The following CRLF1 variants were observed in gnomAD, a reference collection of about 807,000 sequenced individuals.
CRLF1 encodes the protein cytokine receptor-like factor 1.
CRLF1 carries 36 observed loss-of-function variants against 48.9 expected under a neutral mutation model. That is an observed-to-expected ratio of 0.74 (90% CI 0.56 to 0.97). The LOEUF (loss-of-function observed/expected upper bound fraction) is 0.97. CRLF1 is among the 50% of genes least tolerant of loss of function. CRLF1 has a pLI of 0.00. For missense variants in CRLF1, 534 were observed against 575.1 expected (o/e 0.93, Z 0.73); for synonymous variants, 256 against 253.4 (o/e 1.01, Z -0.10).
intron 8 of CRLF1, 42 bp downstream of exon 8, chr19:18,594,023 T>TCCCCTTGCTTGGGCCCC: frequency 6.7e-7 from 1 of 1,491,236 alleles, no homozygotes; most frequent in Non-Finnish European, 9.1e-7. Context: ...GAAGGGGCCC[T>TCCCCTTGCTTGGGCCCC]CCCCTTGCTC....
chr19:18,594,244 T>G lies in CRLF1; in HGVS notation c.1212+3A>C, dbSNP rs544957549. The G allele has an allele frequency of 4.4e-6, 7 of 1,605,684 alleles. No homozygotes were observed. The East Asian group carries it at 1.6e-4, about 36-fold the overall frequency. On this transcript the variant is annotated splice_donor_region_variant and intron_variant, in intron 7 of 8. Coordinates refer to ENST00000392386, the MANE Select transcript of CRLF1 (RefSeq NM_004750.5). ...CCCACGCCCGAGGGTCCCTCCTTCC[T>G]ACCTGGTTGCGGGTCTTGTGCGACT...
chr19:18,596,563 G>A (rs1037865811), intron 6 of CRLF1, 59 bp downstream of exon 6: 2 of 1,568,328 alleles, frequency 1.3e-6, no homozygotes, highest in Non-Finnish European at 8.7e-7. Flanking sequence ...CAAGGAAACA[G>A]AGGCTCTAGC....
chr19:18,599,916 T>TCATGCCATG, intron 1 of CRLF1, 70 bp from the exon 2 acceptor site: 2 of 1,407,364 alleles, frequency 1.4e-6, no homozygotes, highest in Non-Finnish European at 1.9e-6. Context: ...TGCCAGGACC[T>TCATGCCATG]CCAGGGTTCA....
At chr19:18,594,132 TGTC>T (rs1976096206) in intron 7 of CRLF1, 25 bp from the exon 8 acceptor site, 4 of 1,552,740 alleles carry the variant, frequency 2.6e-6, no homozygotes, top group South Asian at 1.2e-5. Context: ...AAGGCAGAGG[TGTC>T]GTGGGGGCTG....
chr19:18,604,296 G>C (rs1976260461), intron 1 of CRLF1, among the ~76,000 whole-genome samples: 1 of 152,198 alleles, frequency 6.6e-6, no homozygotes, highest in South Asian at 2.1e-4. Flanking sequence ...GTTGTAGGGG[G>C]AAGGCAAGGC....
intron 8 of CRLF1, 33 bp downstream of exon 8, chr19:18,594,032 T>TGGGCCA: frequency 4.3e-6 from 3 of 695,808 alleles, no homozygotes; most frequent in Non-Finnish European, 6.6e-6. Flanking sequence ...CTCCCCTTGC[T>TGGGCCA]CCCTCCCGCC....
At chr19:18,602,253 A>T (rs550467115) in intron 1 of CRLF1, among the ~76,000 whole-genome samples, 75 of 152,098 alleles carry the variant, frequency 4.9e-4, no homozygotes, top group Admixed American at 3.3e-3. Flanking sequence ...GCACAGGCCA[A>T]CCTCCCAATG....
chr19:18,598,993 C>T (rs1371207182), intron 2 of CRLF1, 92 bp from the exon 3 acceptor site: 4 of 1,573,230 alleles, frequency 2.5e-6, no homozygotes, highest in East Asian at 2.2e-5. Flanking sequence ...CAGGCCCCCA[C>T]CTTGGAGTGG....
Position 18,597,003 on chromosome 19 carries a change from G to T in CRLF1, c.744C>A (p.Gly248=). 6.2e-7 allele frequency: 1 copy of T among 1,613,546 alleles called. No individual in the cohort carries two copies. Among genetic ancestry groups the T allele is most frequent in the South Asian group, 1.1e-5 (1 of 91,074 alleles). ...PPDVHVSRVG[G]LEDQLSVRWV... is the part of the protein sequence containing the mutation. ...AGCGCACGCTCAGCTGGTCCTCCAG[G>T]CCCCCGACGCGGCTCACGTGCACGT... Residue 248 remains glycine, a synonymous_variant, in exon 5 of 9, where the codon GGC becomes GGA. Transcript: ENST00000392386.
At chr19:18,602,037 T>C (rs2145335168) in intron 1 of CRLF1, among the ~76,000 whole-genome samples, 1 of 152,334 alleles carries the variant, frequency 6.6e-6, no homozygotes, top group South Asian at 2.1e-4. Flanking sequence ...GCTCTTTGTC[T>C]CCTGGGGTAT....
At position 18,593,447 on chromosome 19, in the gene CRLF1, C is replaced by A; in HGVS notation, c.*119G>T. ...TATGGCCGTTGGAGCTCAGGGGCCA[C>A]CCCAGCTCCTGCTGAGGGTGGCTCA... On this transcript the variant is annotated 3_prime_UTR_variant, in exon 9 of 9. Coordinates refer to ENST00000392386, the MANE Select transcript of CRLF1 (RefSeq NM_004750.5). 1 of 1,464,766 alleles carries A rather than the reference C, an allele frequency of 6.8e-7. No homozygotes were observed. Among genetic ancestry groups the A allele is most frequent in the East Asian group, 2.4e-5 (1 of 41,140 alleles). The allele number at this position is 1,464,766 out of a possible 1,614,324, so 90.7% of individuals were successfully genotyped here. A position where few individuals can be genotyped will look rare whatever the true frequency, so the allele number is the denominator to read the frequency against.
At chr19:18,600,216 T>G (rs1976202129) in intron 1 of CRLF1, among the ~76,000 whole-genome samples, 1 of 152,316 alleles carries the variant, frequency 6.6e-6, no homozygotes, top group East Asian at 1.9e-4. Context: ...TTTTTTTTTT[T>G]GAGACGGAGT....
At position 18,598,379 on chromosome 19, in the gene CRLF1, C is replaced by T. The variant is rs1419773134; in HGVS notation, c.697+53G>A. ...GGTGCAGGGGACCCCTCGGGATGCT[C>T]GGTGGGTGGGGCTGGTGCCGAGGGA... On this transcript the variant is annotated intron_variant, in intron 4 of 8. Transcript: ENST00000392386. 25 of 1,567,326 alleles carry T rather than the reference C, an allele frequency of 1.6e-5. No homozygotes were observed. The Middle Eastern group carries it at 5.1e-4, about 32-fold the overall frequency.
intron 8 of CRLF1, 33 bp downstream of exon 8, chr19:18,594,032 T>TTGGGGACC: frequency 2.9e-6 from 2 of 695,810 alleles, no homozygotes; most frequent in Non-Finnish European, 4.4e-6. Context: ...CTCCCCTTGC[T>TTGGGGACC]CCCTCCCGCC....
chr19:18,601,746 G>A (rs180819098), intron 1 of CRLF1, among the ~76,000 whole-genome samples: 1 of 152,208 alleles, frequency 6.6e-6, no homozygotes, highest in East Asian at 1.9e-4. Flanking sequence ...TCTGAATACT[G>A]GGCTAAGACT....
intron 1 of CRLF1, among the ~76,000 whole-genome samples, chr19:18,603,912 C>G (rs1976253708): frequency 6.6e-6 from 1 of 151,072 alleles, no homozygotes; most frequent in African/African-American, 2.4e-5. Flanking sequence ...GGCTGGGGGC[C>G]AGGGGACCGC....
intron 8 of CRLF1, 35 bp downstream of exon 8, chr19:18,594,030 G>GCGGGGGGGGCCC: frequency 7.6e-7 from 1 of 1,315,306 alleles, no homozygotes; most frequent in Non-Finnish European, 1.1e-6. Flanking sequence ...CCCTCCCCTT[G>GCGGGGGGGGCCC]CTCCCTCCCG....
chr19:18,594,596 A>G (rs1007223248), intron 6 of CRLF1, among the ~76,000 whole-genome samples, 162 bp from the exon 7 acceptor site: 1 of 151,538 alleles, frequency 6.6e-6, no homozygotes, highest in Non-Finnish European at 1.5e-5. Context: ...ACAGCAGCCC[A>G]GCTGCGCCCC....
chr19:18,603,520 G>T (rs1268548712), intron 1 of CRLF1, among the ~76,000 whole-genome samples: 1 of 152,192 alleles, frequency 6.6e-6, no homozygotes, highest in East Asian at 1.9e-4. Flanking sequence ...GGGAGGGAGG[G>T]ATGCGGTGAG....
Sources: gnomAD v4.1 joint callset for allele counts (sites outside exome capture counted in the v4.1 genomes callset) on GRCh38, gnomAD v4.1.1 for gene constraint, MANE v1.5 for transcripts, NCBI Gene and HGNC (gene_info 2026-07-23, HGNC 2026-07-21) for gene names.